Variants in TNFRSF9 observed in about 807,000 individuals in gnomAD.
TNFRSF9 encodes tumor necrosis factor receptor superfamily member 9.
Under a neutral mutation model 28.8 loss-of-function variants are expected in TNFRSF9, and 16 were observed. The ratio of observed to expected loss-of-function variants is 0.55; its 90% confidence interval spans 0.38 to 0.84. TNFRSF9 has a LOEUF of 0.84. TNFRSF9 is among the 40% of genes least tolerant of loss of function. The pLI is 0.00. For missense variants in TNFRSF9, 303 were observed against 315.0 expected, an observed-to-expected ratio of 0.96 and a Z score of 0.29; for synonymous variants, 131 against 117.0, an observed-to-expected ratio of 1.12 and a Z score of -0.77.
chr1:7,920,810 C>G lies in TNFRSF9; in HGVS notation c.*25G>C. The G allele has an allele frequency of 6.3e-7, 1 of 1,585,206 alleles. No homozygotes were observed. The highest frequency in any genetic ancestry group is 8.7e-7 in the Non-Finnish European group (1 of 1,155,028). On this transcript the variant is annotated 3_prime_UTR_variant, in exon 8 of 8. Coordinates refer to ENST00000377507, the MANE Select transcript of TNFRSF9 (RefSeq NM_001561.6). ...TTTCCTTGCTTCTTTTCAAGAAAGT[C>G]CCAACAGCCCTATTGACTTCCATTT...
chr1:7,934,432 C>G (rs115817116), intron 6 of TNFRSF9, among the ~76,000 whole-genome samples: 6 of 150,726 alleles, frequency 4.0e-5, no homozygotes, highest in South Asian at 2.1e-4. Context: ...GGACCCTGGA[C>G]GGGCGTGGTG....
chr1:7,931,164 C>T (rs1365613112), intron 7 of TNFRSF9, among the ~76,000 whole-genome samples: 2 of 152,114 alleles, frequency 1.3e-5, no homozygotes, highest in South Asian at 2.1e-4. Flanking sequence ...AACTCATTAC[C>T]GCCAGGGGAG....
intron 7 of TNFRSF9, among the ~76,000 whole-genome samples, chr1:7,930,811 C>T (rs757066152): frequency 2.6e-4 from 40 of 151,992 alleles, no homozygotes; most frequent in Non-Finnish European, 5.1e-4. Flanking sequence ...TAAGTGAGAA[C>T]GCAGAGGTTT....
In TNFRSF9 at chr1:7,918,147, C is replaced by G. The variant is rs1289794016; in HGVS notation, c.*2688G>C. On this transcript the variant is annotated 3_prime_UTR_variant, in exon 8 of 8. Coordinates refer to ENST00000377507, the MANE Select transcript of TNFRSF9 (RefSeq NM_001561.6). ...TACAGGCACCCGCCACCATACCCAG[C>G]TAAGTTTTGTACATGTTTAGTAGAG... is the stretch of plus-strand genomic sequence containing the variant. The G allele has an allele frequency of 6.6e-6, 1 of 151,788 alleles. No homozygotes were observed. The highest frequency in any genetic ancestry group is 1.5e-5 in the Non-Finnish European group (1 of 67,958). The allele number at this position is 151,788 out of a possible 1,614,324, so 9.4% of individuals were successfully genotyped here. A position where few individuals can be genotyped will look rare whatever the true frequency, so the allele number is the denominator to read the frequency against.
chr1:7,938,401 C>T (rs1181295267), intron 3 of TNFRSF9, 71 bp from the exon 4 acceptor site: 1 of 1,437,060 alleles, frequency 7.0e-7, no homozygotes, highest in African/African-American at 1.4e-5. Flanking sequence ...AATTTATGCT[C>T]TGCAGTAAAA....
At chr1:7,940,469 CAAG>C in intron 1 of TNFRSF9, among the ~76,000 whole-genome samples, 1 of 152,164 alleles carries the variant, frequency 6.6e-6, no homozygotes, top group Non-Finnish European at 1.5e-5. Flanking sequence ...CAATTCAGTT[CAAG>C]AAGAAGCTAT....
chr1:7,933,940 C>T (rs148100475), intron 6 of TNFRSF9, among the ~76,000 whole-genome samples: 9 of 152,142 alleles, frequency 5.9e-5, no homozygotes, highest in Admixed American at 5.2e-4. Flanking sequence ...TCGCTTGAAC[C>T]TGGGAGGTAG....
chr1:7,932,983 G>A (rs1285475236), intron 7 of TNFRSF9, 179 bp downstream of exon 7: 4 of 688,090 alleles, frequency 5.8e-6, no homozygotes, highest in African/African-American at 5.5e-5. Context: ...CCACCGAGCG[G>A]TGAACACTGC....
At chr1:7,940,226 T>C (rs1639882461) in intron 1 of TNFRSF9, 148 bp from the exon 2 acceptor site, 1 of 382,000 alleles carries the variant, frequency 2.6e-6, no homozygotes, top group Non-Finnish European at 4.9e-6. Flanking sequence ...AAGTAGCAGA[T>C]TCATAGAAAC....
chr1:7,927,876 G>A (rs1639678174), intron 7 of TNFRSF9, among the ~76,000 whole-genome samples: 1 of 151,970 alleles, frequency 6.6e-6, no homozygotes. Flanking sequence ...AGGATGAAAA[G>A]GCAAGCTACT....
chr1:7,933,295 T>C lies in TNFRSF9; in HGVS notation c.546A>G (p.Gly182=). 1 of 1,612,508 alleles carries C rather than the reference T, an allele frequency of 6.2e-7. No homozygotes were observed. Among genetic ancestry groups the C allele is most frequent in the Non-Finnish European group, 8.5e-7 (1 of 1,179,256 alleles). ...AGAAGGAGATGATCTGCGGAGAGTGTCCTGCAAAACACAGCAAAAGGAGAA... is the reference window on the plus strand; with the variant it reads ...AGAAGGAGATGATCTGCGGAGAGTGCCCTGCAAAACACAGCAAAAGGAGAA... ...VTPPAPAREP[G]HSPQIISFFL... Residue 182 remains glycine, a splice_region_variant and synonymous_variant, in exon 7 of 8, where the codon GGA becomes GGG. Transcript: ENST00000377507.
intron 7 of TNFRSF9, among the ~76,000 whole-genome samples, chr1:7,926,416 G>A (rs1167755921): frequency 1.3e-5 from 2 of 152,102 alleles, no homozygotes; most frequent in Non-Finnish European, 2.9e-5. Context: ...ACACAACAAC[G>A]AAATCACTTA....
chr1:7,939,816 C>G, intron 2 of TNFRSF9, 79 bp downstream of exon 2: 1 of 1,064,528 alleles, frequency 9.4e-7, no homozygotes, highest in Non-Finnish European at 1.4e-6. Flanking sequence ...AAAGGGAGCT[C>G]GTTAGCCCTG....
Position 7,933,262 on chromosome 1 carries a change from C to A in TNFRSF9, c.579G>T (p.Ala193=), listed in dbSNP as rs192265662. ...HSPQIISFFL[A]LTSTALLFLL... ...GGAAGAGCAACGCAGTCGACGTCAG[C>A]GCAAGAAAGAAGGAGATGATCTGCG... The change falls in exon 7 of 8, where the codon GCG becomes GCT. Residue 193 remains alanine (A), a synonymous_variant. Transcript: ENST00000377507. The A allele has an allele frequency of 1.7e-5, 27 of 1,613,544 alleles. No individual in the cohort carries two copies. Among genetic ancestry groups the A allele is most frequent in the East Asian group, 2.2e-5 (1 of 44,890 alleles).
At chr1:7,926,703 A>G (rs1639660901) in intron 7 of TNFRSF9, among the ~76,000 whole-genome samples, 2 of 152,316 alleles carry the variant, frequency 1.3e-5, no homozygotes, top group East Asian at 3.8e-4. Context: ...ACAGTAATCA[A>G]GGCTGTGTGG....
At chr1:7,924,580 C>A (rs226481) in intron 7 of TNFRSF9, among the ~76,000 whole-genome samples, 15,386 of 151,910 alleles carry the variant, frequency 0.1, 1,836 homozygotes, top group East Asian at 0.52. Flanking sequence ...GGAGCCGAGA[C>A]CGCCCCATTG....
intron 7 of TNFRSF9, among the ~76,000 whole-genome samples, chr1:7,926,128 T>C (rs1282741626): frequency 1.3e-5 from 2 of 152,218 alleles, no homozygotes; most frequent in African/African-American, 4.8e-5. Context: ...CTCGAACTCC[T>C]GACCTCAGGT....
At position 7,918,175 on chromosome 1, in the gene TNFRSF9, G is replaced by A. The variant is rs113387037; in HGVS notation, c.*2660C>T. 6,226 of 151,994 alleles carry A rather than the reference G, an allele frequency of 0.041. 176 individuals are homozygous for A. The highest frequency in any genetic ancestry group is 0.061 in the Non-Finnish European group (4,176 of 67,986). 9.4% of individuals were successfully genotyped at this position (151,994 alleles called of 1,614,324 possible). On this transcript the variant is annotated 3_prime_UTR_variant, in exon 8 of 8. Coordinates refer to ENST00000377507, the MANE Select transcript of TNFRSF9 (RefSeq NM_001561.6). ...AGTTTTGTACATGTTTAGTAGAGAT[G>A]GGGTTTCACTGTGTTGGCCAGGCTG...
chr1:7,928,848 C>T (rs939022265), intron 7 of TNFRSF9, among the ~76,000 whole-genome samples: 1 of 152,092 alleles, frequency 6.6e-6, no homozygotes, highest in Non-Finnish European at 1.5e-5. Flanking sequence ...CACTGCACTC[C>T]AGCCTGAATG....
Sources: gnomAD v4.1 joint callset for allele counts (sites outside exome capture counted in the v4.1 genomes callset) on GRCh38, gnomAD v4.1.1 for gene constraint, MANE v1.5 for transcripts, NCBI Gene and HGNC (gene_info 2026-07-23, HGNC 2026-07-21) for gene names.